Variants in RPH3A observed in about 807,000 individuals in gnomAD.
RPH3A encodes the protein rabphilin 3A, also known as rabphilin-3A.
Under a neutral mutation model 102.2 loss-of-function variants are expected in RPH3A, and 48 were observed. That is an observed-to-expected ratio of 0.47 (90% CI 0.37 to 0.60). The LOEUF (loss-of-function observed/expected upper bound fraction) is 0.60, where lower values mean the gene tolerates loss of function less well. Ranked by LOEUF, RPH3A falls within the 20% of genes least tolerant of loss-of-function variation. RPH3A has a pLI of 0.00. For missense variants in RPH3A, 781 were observed against 910.1 expected (o/e 0.86, Z 1.83); for synonymous variants, 310 against 324.3 (o/e 0.96, Z 0.47).
intron 1 of RPH3A, among the ~76,000 whole-genome samples, chr12:112,672,698 G>A (rs765522726): frequency 9.2e-5 from 14 of 152,206 alleles, no homozygotes; most frequent in Non-Finnish European, 1.5e-4. Flanking sequence ...TAAGGTGAAA[G>A]TGCCACATAG....
chr12:112,613,111 G>A (rs1398478902), intron 1 of RPH3A, among the ~76,000 whole-genome samples: 4 of 152,164 alleles, frequency 2.6e-5, no homozygotes, highest in African/African-American at 4.8e-5. Flanking sequence ...GCCCTGTGAG[G>A]TGGATCTAAT....
intron 1 of RPH3A, among the ~76,000 whole-genome samples, chr12:112,736,581 G>T (rs1005345664): frequency 2.0e-5 from 3 of 152,150 alleles, no homozygotes; most frequent in African/African-American, 7.2e-5. Context: ...TAAAGCCAAG[G>T]GCAATTAACG....
intron 3 of RPH3A, chr12:112,831,954 G>C: frequency 4.1e-6 from 1 of 243,694 alleles, no homozygotes; most frequent in Non-Finnish European, 8.4e-6. Context: ...TGAAACAGTG[G>C]ATTCATGTTT....
intron 1 of RPH3A, among the ~76,000 whole-genome samples, chr12:112,641,261 A>C (rs1181044552): frequency 6.6e-6 from 1 of 152,140 alleles, no homozygotes; most frequent in African/African-American, 2.4e-5. Flanking sequence ...TTGTTTGCTA[A>C]TTTTGCTCCA....
intron 1 of RPH3A, among the ~76,000 whole-genome samples, chr12:112,615,217 T>G (rs1175432766): frequency 6.6e-6 from 1 of 152,174 alleles, no homozygotes; most frequent in African/African-American, 2.4e-5. Flanking sequence ...TGCTATTTTT[T>G]TTTCTGTTAG....
chr12:112,740,772 T>G (rs1284459586), intron 1 of RPH3A, among the ~76,000 whole-genome samples: 1 of 152,220 alleles, frequency 6.6e-6, no homozygotes, highest in Non-Finnish European at 1.5e-5. Context: ...CGGAGTTCCA[T>G]TTTGCATCAT....
At chr12:112,669,820 ATAT>A (rs1347751960) in intron 1 of RPH3A, among the ~76,000 whole-genome samples, 9 of 152,122 alleles carry the variant, frequency 5.9e-5, no homozygotes, top group Non-Finnish European at 8.8e-5. Flanking sequence ...TGTGGCCATA[ATAT>A]TCTATTGTAT....
chr12:112,795,256 T>TG (rs1409829835), intron 2 of RPH3A, among the ~76,000 whole-genome samples: 7 of 152,236 alleles, frequency 4.6e-5, no homozygotes, highest in African/African-American at 1.7e-4. Flanking sequence ...CCTCATTCAG[T>TG]GGGGAGCTGA....
intron 14 of RPH3A, among the ~76,000 whole-genome samples, chr12:112,881,257 TGAGCC>T (rs2042903979): frequency 6.6e-6 from 1 of 152,238 alleles, no homozygotes; most frequent in African/African-American, 2.4e-5. Flanking sequence ...GTATCTTATC[TGAGCC>T]TCATCCCAGC....
intron 2 of RPH3A, among the ~76,000 whole-genome samples, chr12:112,807,091 G>A (rs760245309): frequency 1.3e-5 from 2 of 152,010 alleles, no homozygotes; most frequent in South Asian, 2.1e-4. Context: ...GATGAGGCGG[G>A]TGGTGCCTGC....
chr12:112,653,330 A>C (rs925198411), intron 1 of RPH3A, among the ~76,000 whole-genome samples: 1 of 151,022 alleles, frequency 6.6e-6, no homozygotes, highest in African/African-American at 2.4e-5. Flanking sequence ...AGATCATGCC[A>C]CTGCACTCCA....
At chr12:112,748,160 G>A (rs1273699480) in intron 1 of RPH3A, among the ~76,000 whole-genome samples, 2 of 152,222 alleles carry the variant, frequency 1.3e-5, no homozygotes, top group Non-Finnish European at 2.9e-5. Flanking sequence ...TCACTGGGCT[G>A]TAAGTCCTAT....
chr12:112,721,807 A>G (rs2040553251), intron 1 of RPH3A, among the ~76,000 whole-genome samples: 1 of 152,182 alleles, frequency 6.6e-6, no homozygotes, highest in Admixed American at 6.6e-5. Flanking sequence ...ATATGACCCA[A>G]TGAAAAGAAA....
intron 1 of RPH3A, among the ~76,000 whole-genome samples, chr12:112,605,552 A>G (rs535205620): frequency 6.6e-6 from 1 of 152,328 alleles, no homozygotes; most frequent in African/African-American, 2.4e-5. Context: ...AGCTGGCTCC[A>G]TACTCTTCAC....
intron 2 of RPH3A, among the ~76,000 whole-genome samples, chr12:112,792,807 G>T (rs919125540): frequency 2.0e-5 from 3 of 152,200 alleles, no homozygotes; most frequent in Admixed American, 1.3e-4. Flanking sequence ...TGCGAGGTTG[G>T]CTGTTCACGC....
At chr12:112,646,189 G>C (rs1056102098) in intron 1 of RPH3A, among the ~76,000 whole-genome samples, 2 of 152,066 alleles carry the variant, frequency 1.3e-5, no homozygotes, top group Non-Finnish European at 2.9e-5. Flanking sequence ...TGATTCGACT[G>C]GCTTAAACAA....
rs546029227 is a variant in RPH3A at position 112,576,045 on chromosome 12, G to A, written c.-140+726G>A. ...ACCTAGTTTCAACTACGCACCAGGC[G>A]CTGTCTGGAGTTATTCATTCATTGA... is the stretch of plus-strand genomic sequence containing the variant. On this transcript the variant is annotated intron_variant, in intron 1 of 21. Coordinates refer to the RPH3A transcript ENST00000543106. Among the ~76,000 whole-genome samples the A allele has an allele frequency of 3.0e-4, 46 of 152,280 alleles. 1 individual carries two copies. The highest frequency in any genetic ancestry group is 3.4e-3 in the Middle Eastern group (1 of 294).
At chr12:112,783,930 A>T (rs1228909553) in intron 1 of RPH3A, among the ~76,000 whole-genome samples, 13 of 152,168 alleles carry the variant, frequency 8.5e-5, no homozygotes. Context: ...GAGATGAGGA[A>T]TCTGATTTAT....
intron 1 of RPH3A, among the ~76,000 whole-genome samples, chr12:112,768,730 TAG>T (rs2040908352): frequency 6.6e-6 from 1 of 152,022 alleles, no homozygotes; most frequent in Non-Finnish European, 1.5e-5. Context: ...CTGGGAAACT[TAG>T]CAAGGCCCCA....
Sources: gnomAD v4.1 joint callset for allele counts (sites outside exome capture counted in the v4.1 genomes callset) on GRCh38, gnomAD v4.1.1 for gene constraint, MANE v1.5 for transcripts, NCBI Gene and HGNC (gene_info 2026-07-23, HGNC 2026-07-21) for gene names.